PEAK1: variants seen among roughly 807,000 people sequenced by gnomAD.
PEAK1 encodes the protein pseudopodium enriched atypical kinase 1, also known as inactive tyrosine-protein kinase PEAK1.
PEAK1 carries 54 observed loss-of-function variants against 124.7 expected under a neutral mutation model. The ratio of observed to expected loss-of-function variants is 0.43; its 90% CI spans 0.35 to 0.54. The LOEUF (loss-of-function observed/expected upper bound fraction) is 0.54. Among genes scored for constraint, PEAK1 ranks in the 20% least tolerant of loss-of-function variants. The pLI is 0.01. For synonymous variants in PEAK1, 719 were observed against 760.0 expected, an observed-to-expected ratio of 0.95 and a Z score of 0.89; for missense variants, 2,046 against 2,134.5, an observed-to-expected ratio of 0.96 and a Z score of 0.82.
rs558367196 is a variant in PEAK1 at position 77,145,812 on chromosome 15, G to C, written c.3332-12062C>G. ...ATATCTGCATCACAGCAACTATCAT[G>C]GTCCTAAGAGTCCAGCCCCATGTCT... On this transcript the variant is annotated intron_variant, in intron 8 of 9. Coordinates refer to ENST00000682557, the MANE Select transcript of PEAK1 (RefSeq NM_001385026.1). Among the ~76,000 whole-genome samples the C allele has an allele frequency of 2.5e-3, 381 of 152,192 alleles. 1 individual carries two copies. Among genetic ancestry groups the C allele is most frequent in the African/African-American group, 8.9e-3 (369 of 41,508 alleles).
intron 8 of PEAK1, among the ~76,000 whole-genome samples, chr15:77,137,989 C>T (rs1037312362): frequency 3.3e-5 from 5 of 152,228 alleles, no homozygotes; most frequent in South Asian, 2.1e-4. Flanking sequence ...CAAGATCTGA[C>T]GGTTTTAAAA....
At chr15:77,397,097 T>C (rs1339515358) in intron 1 of PEAK1, among the ~76,000 whole-genome samples, 1 of 152,154 alleles carries the variant, frequency 6.6e-6, no homozygotes, top group Non-Finnish European at 1.5e-5. Context: ...AAAAATGAAA[T>C]TATATCAAGT....
chr15:77,127,914 T>C (rs1302293651), intron 9 of PEAK1, among the ~76,000 whole-genome samples: 2 of 152,030 alleles, frequency 1.3e-5, no homozygotes, highest in Middle Eastern at 3.4e-3. Flanking sequence ...ACCCTGTCTC[T>C]ACTAAAAATA....
At chr15:77,185,172 C>G (rs1321515465) in intron 6 of PEAK1, among the ~76,000 whole-genome samples, 4 of 152,054 alleles carry the variant, frequency 2.6e-5, no homozygotes, top group African/African-American at 4.8e-5. Context: ...GATTATGGAG[C>G]CATTTACTGA....
chr15:77,140,476 T>A (rs1271842198), intron 8 of PEAK1, among the ~76,000 whole-genome samples: 1 of 151,990 alleles, frequency 6.6e-6, no homozygotes, highest in Non-Finnish European at 1.5e-5. Flanking sequence ...GCCAATGGAA[T>A]AAAGGGGGAA....
At chr15:77,201,532 C>A (rs1276473710) in intron 6 of PEAK1, among the ~76,000 whole-genome samples, 2 of 152,092 alleles carry the variant, frequency 1.3e-5, no homozygotes, top group Non-Finnish European at 2.9e-5. Flanking sequence ...GCCACTGCGC[C>A]TGGCCCAAGC....
chr15:77,308,707 C>G (rs17384406), intron 2 of PEAK1, among the ~76,000 whole-genome samples: 42,888 of 151,946 alleles, frequency 0.28, 7,177 homozygotes, highest in Non-Finnish European at 0.39. Flanking sequence ...TTAAGCATCT[C>G]TGTTTCACTT....
At chr15:77,370,868 A>G (rs2068587013) in intron 1 of PEAK1, 2 of 492,084 alleles carry the variant, frequency 4.1e-6, no homozygotes, top group Non-Finnish European at 5.3e-6. Flanking sequence ...CAACTCTACT[A>G]AAATACAAAA....
intron 7 of PEAK1, among the ~76,000 whole-genome samples, chr15:77,177,085 T>C (rs554352124): frequency 5.3e-5 from 8 of 152,110 alleles, no homozygotes; most frequent in Non-Finnish European, 1.0e-4. Context: ...GCCTCCCAAG[T>C]AGCTAGGATT....
At chr15:77,296,413 A>G (rs2063488567) in intron 2 of PEAK1, among the ~76,000 whole-genome samples, 1 of 151,848 alleles carries the variant, frequency 6.6e-6, no homozygotes, top group South Asian at 2.1e-4. Context: ...GGAGTTCGAG[A>G]GCAGCCTGGC....
chr15:77,313,921 A>G (rs1017638892), intron 2 of PEAK1, among the ~76,000 whole-genome samples: 9 of 151,664 alleles, frequency 5.9e-5, no homozygotes, highest in Non-Finnish European at 1.2e-4. Flanking sequence ...AAAGAGGGGA[A>G]AAGAATAACT....
At chr15:77,337,417 T>C (rs1439190688) in intron 2 of PEAK1, 1 of 958,574 alleles carries the variant, frequency 1.0e-6, no homozygotes, top group Non-Finnish European at 1.2e-6. Flanking sequence ...AACTACATGA[T>C]CAAACTAAGA....
chr15:77,332,118 C>T (rs527978624), intron 2 of PEAK1: 105 of 828,330 alleles, frequency 1.3e-4, no homozygotes, highest in Non-Finnish European at 1.5e-4. Flanking sequence ...AGCAAGACTC[C>T]ATCTCAAAAA....
intron 6 of PEAK1, among the ~76,000 whole-genome samples, chr15:77,213,428 A>C (rs1596644363): frequency 6.6e-6 from 1 of 152,212 alleles, no homozygotes. Flanking sequence ...GCGGTGGCTC[A>C]TGACTGTAAT....
intron 6 of PEAK1, among the ~76,000 whole-genome samples, chr15:77,211,530 T>G (rs955914155): frequency 2.0e-5 from 3 of 152,136 alleles, no homozygotes; most frequent in Non-Finnish European, 4.4e-5. Flanking sequence ...TAATGACTTA[T>G]GACTGCTATA....
chr15:77,369,832 T>C (rs1259740085), intron 1 of PEAK1, among the ~76,000 whole-genome samples: 2 of 151,780 alleles, frequency 1.3e-5, no homozygotes, highest in Admixed American at 6.6e-5. Context: ...GGCTCATAGG[T>C]TTCCATCTTC....
intron 5 of PEAK1, among the ~76,000 whole-genome samples, chr15:77,254,529 C>T (rs1166256161): frequency 6.6e-6 from 1 of 151,864 alleles, no homozygotes; most frequent in Non-Finnish European, 1.5e-5. Flanking sequence ...ACCTCCTAGG[C>T]TCAAGCAATC....
intron 2 of PEAK1, chr15:77,346,717 A>T (rs1237318779): frequency 2.0e-6 from 2 of 983,532 alleles, no homozygotes; most frequent in Non-Finnish European, 2.4e-6. Flanking sequence ...AAAATGAAAA[A>T]GAATGAAAAG....
chr15:77,163,799 C>G (rs1202307061), intron 7 of PEAK1, among the ~76,000 whole-genome samples: 1 of 151,024 alleles, frequency 6.6e-6, no homozygotes. Flanking sequence ...TAGCTCTGTT[C>G]AGCAGGTACA....
Sources: gnomAD v4.1 joint callset for allele counts (sites outside exome capture counted in the v4.1 genomes callset) on GRCh38, gnomAD v4.1.1 for gene constraint, MANE v1.5 for transcripts, NCBI Gene and HGNC (gene_info 2026-07-23, HGNC 2026-07-21) for gene names.